The following CSMD1 variants were observed in gnomAD, a reference collection of about 807,000 sequenced individuals.
CSMD1 encodes CUB and sushi domain-containing protein 1.
In CSMD1, 213 loss-of-function variants were observed where a neutral mutation model predicts 417.5. That is an observed-to-expected ratio of 0.51 (90% CI 0.46 to 0.57). The LOEUF (loss-of-function observed/expected upper bound fraction) is 0.57. Ranked by LOEUF, CSMD1 falls within the 20% of genes least tolerant of loss-of-function variation. The pLI, the probability that CSMD1 is intolerant of heterozygous loss-of-function variation, is 0.00. For synonymous variants in CSMD1, 2,862 were observed against 1,736.8 expected (o/e 1.65, Z -16.11); for missense variants, 6,923 against 4,529.7 (o/e 1.53, Z -15.17).
chr8:4,592,577 G>A (rs1297885374), intron 2 of CSMD1, among the ~76,000 whole-genome samples: 2 of 151,986 alleles, frequency 1.3e-5, no homozygotes, highest in Admixed American at 6.6e-5. Context: ...AGTAGAGACA[G>A]AGTTTCACCA....
At chr8:3,222,155 G>A (rs569693017) in intron 28 of CSMD1, among the ~76,000 whole-genome samples, 2 of 152,096 alleles carry the variant, frequency 1.3e-5, no homozygotes, top group Non-Finnish European at 2.9e-5. Context: ...ATAATCTATG[G>A]GTTGGGAGAG....
chr8:4,615,159 T>A (rs901464522), intron 2 of CSMD1, among the ~76,000 whole-genome samples: 1 of 152,120 alleles, frequency 6.6e-6, no homozygotes, highest in Non-Finnish European at 1.5e-5. Flanking sequence ...CAACTACCCA[T>A]TTCAAATCTA....
At chr8:4,023,856 A>G (rs1193017856) in intron 4 of CSMD1, among the ~76,000 whole-genome samples, 1 of 135,896 alleles carries the variant, frequency 7.4e-6, no homozygotes, top group Non-Finnish European at 1.5e-5. Flanking sequence ...TGACCTCGGG[A>G]TCTGCCCGCC....
intron 10 of CSMD1, among the ~76,000 whole-genome samples, chr8:3,567,669 A>G (rs191470778): frequency 2.0e-4 from 31 of 152,192 alleles, no homozygotes; most frequent in African/African-American, 7.2e-4. Context: ...CAATATTCCC[A>G]AGCAATGCAA....
intron 10 of CSMD1, among the ~76,000 whole-genome samples, chr8:3,539,024 A>C (rs1002411300): frequency 6.6e-6 from 1 of 152,218 alleles, no homozygotes; most frequent in African/African-American, 2.4e-5. Flanking sequence ...CAAACACATT[A>C]GGACAGCCTG....
chr8:4,343,999 C>G (rs1800634414), intron 3 of CSMD1, among the ~76,000 whole-genome samples: 2 of 152,020 alleles, frequency 1.3e-5, no homozygotes, highest in South Asian at 4.1e-4. Flanking sequence ...CCAATAATAC[C>G]ACAAGCACTG....
intron 4 of CSMD1, among the ~76,000 whole-genome samples, chr8:4,012,548 G>C (rs892823096): frequency 4.1e-4 from 63 of 152,208 alleles, no homozygotes; most frequent in Admixed American, 7.2e-4. Flanking sequence ...ACAGCACCTG[G>C]CAGGTAGTTA....
chr8:3,010,401 A>C (rs1007768574), intron 52 of CSMD1, among the ~76,000 whole-genome samples: 7 of 152,122 alleles, frequency 4.6e-5, no homozygotes, highest in African/African-American at 1.7e-4. Flanking sequence ...AACCTGCCCT[A>C]GAGCGGGTGT....
intron 3 of CSMD1, among the ~76,000 whole-genome samples, chr8:4,291,380 T>C (rs566758058): frequency 6.6e-6 from 1 of 152,268 alleles, no homozygotes; most frequent in South Asian, 2.1e-4. Flanking sequence ...AAATTTATAC[T>C]TACAACCATG....
intron 25 of CSMD1, among the ~76,000 whole-genome samples, chr8:3,293,298 T>C (rs182256944): frequency 1.4e-4 from 22 of 152,152 alleles, no homozygotes; most frequent in African/African-American, 5.1e-4. Flanking sequence ...CTGACAATTA[T>C]GTGTCTTTGA....
At chr8:4,388,313 CACACACAG>C (rs780889962) in intron 3 of CSMD1, among the ~76,000 whole-genome samples, 21,678 of 127,286 alleles carry the variant, frequency 0.17, 1,757 homozygotes, top group Admixed American at 0.26. Flanking sequence ...TACACACACA[CACACACAG>C]ACACACACAC....
At chr8:4,687,695 T>C (rs1002942156) in intron 1 of CSMD1, among the ~76,000 whole-genome samples, 5 of 152,230 alleles carry the variant, frequency 3.3e-5, no homozygotes, top group Admixed American at 6.5e-5. Context: ...TCTTTCAAGA[T>C]AGCTAAACAG....
intron 1 of CSMD1, among the ~76,000 whole-genome samples, chr8:4,661,896 T>A (rs1418912806): frequency 6.6e-6 from 1 of 152,170 alleles, no homozygotes; most frequent in Non-Finnish European, 1.5e-5. Flanking sequence ...GAGACAAGAA[T>A]ATACGTAAAT....
intron 3 of CSMD1, among the ~76,000 whole-genome samples, chr8:4,318,571 G>C (rs1467205316): frequency 6.6e-6 from 1 of 151,922 alleles, no homozygotes; most frequent in African/African-American, 2.4e-5. Flanking sequence ...ACACTAAAAA[G>C]AATAAAAAAC....
intron 1 of CSMD1, among the ~76,000 whole-genome samples, chr8:4,759,263 G>A (rs1223586802): frequency 6.6e-6 from 1 of 152,230 alleles, no homozygotes; most frequent in Middle Eastern, 3.4e-3. Context: ...ACTGCCCTCA[G>A]GAAGGATGCC....
In CSMD1 at chr8:2,963,291, G is replaced by C. The variant is rs762288238; in HGVS notation, c.9385C>G (p.Leu3129Val). The C allele has an allele frequency of 2.5e-6, 4 of 1,613,846 alleles. No individual in the cohort carries two copies. In the South Asian group the frequency reaches 3.3e-5, roughly 13 times the overall value. Reference sequence around the variant, plus strand: ...CAGGAGAGGATGGCGGAGTGAGAGAGCTGGTAACCGTCCATGCAGCTGTAA... The same window carrying C: ...CAGGAGAGGATGGCGGAGTGAGAGACCTGGTAACCGTCCATGCAGCTGTAA... Reference protein sequence around the residue: ...ISYSCMDGYQLSHSAILSCEG... With the variant: ...ISYSCMDGYQVSHSAILSCEG... The change falls in exon 60 of 70, where the codon CTC becomes GTC. Residue 3129 changes from leucine to valine, a missense_variant. Coordinates refer to ENST00000635120, the MANE Select transcript of CSMD1 (RefSeq NM_033225.6).
intron 5 of CSMD1, among the ~76,000 whole-genome samples, chr8:3,831,703 T>G (rs532116447): frequency 1.3e-5 from 2 of 152,174 alleles, no homozygotes; most frequent in Non-Finnish European, 2.9e-5. Context: ...GGAATGCCAA[T>G]GAATTTACTA....
chr8:4,371,885 G>A (rs1023493435), intron 3 of CSMD1, among the ~76,000 whole-genome samples: 5 of 152,194 alleles, frequency 3.3e-5, no homozygotes, highest in South Asian at 2.1e-4. Context: ...GACTGTGGAG[G>A]CCATGCAAGT....
intron 1 of CSMD1, among the ~76,000 whole-genome samples, chr8:4,848,965 A>AC (rs1339999799): frequency 6.6e-6 from 1 of 152,228 alleles, no homozygotes; most frequent in Non-Finnish European, 1.5e-5. Flanking sequence ...TAACTGTAAA[A>AC]CAGCCTCAGG....
Sources: gnomAD v4.1 joint callset for allele counts (sites outside exome capture counted in the v4.1 genomes callset) on GRCh38, gnomAD v4.1.1 for gene constraint, MANE v1.5 for transcripts, NCBI Gene and HGNC (gene_info 2026-07-23, HGNC 2026-07-21) for gene names.